Variants in DSCAM observed in about 807,000 individuals in gnomAD.
The protein encoded by DSCAM is DS cell adhesion molecule, also known as cell adhesion molecule DSCAM.
A neutral mutation model predicts 217.7 loss-of-function variants in DSCAM; 47 were observed. That is an observed-to-expected ratio of 0.22 (90% CI 0.17 to 0.28). The LOEUF (loss-of-function observed/expected upper bound fraction) is 0.28, where lower values mean the gene tolerates loss of function less well. Ranked by LOEUF, DSCAM falls within the 10% of genes least tolerant of loss-of-function variation. The pLI, the probability that DSCAM is intolerant of heterozygous loss-of-function variation, is 1.00. For synonymous variants in DSCAM, 1,056 were observed against 1,015.3 expected, an observed-to-expected ratio of 1.04 and a Z score of -0.76; for missense variants, 2,080 against 2,618.3, an observed-to-expected ratio of 0.79 and a Z score of 4.49.
At chr21:40,418,993 T>C (rs1314606244) in intron 3 of DSCAM, among the ~76,000 whole-genome samples, 1 of 152,124 alleles carries the variant, frequency 6.6e-6, no homozygotes, top group African/African-American at 2.4e-5. Context: ...TATTTTGAGA[T>C]GGAGTCTCGC....
At chr21:40,225,763 T>C (rs1480022136) in intron 11 of DSCAM, among the ~76,000 whole-genome samples, 5 of 152,032 alleles carry the variant, frequency 3.3e-5, no homozygotes, top group African/African-American at 9.7e-5. Flanking sequence ...GTAACAATAC[T>C]TTTCCCCAGG....
chr21:40,703,041 T>C (rs533520458), intron 2 of DSCAM, among the ~76,000 whole-genome samples: 3 of 152,328 alleles, frequency 2.0e-5, no homozygotes, highest in African/African-American at 7.2e-5. Context: ...TTTTAAAAAA[T>C]CTGATTTAGA....
At chr21:40,600,194 T>C (rs571433106) in intron 3 of DSCAM, among the ~76,000 whole-genome samples, 2 of 152,342 alleles carry the variant, frequency 1.3e-5, no homozygotes, top group Non-Finnish European at 2.9e-5. Flanking sequence ...CAAACTATCT[T>C]AGCTAGCTTG....
chr21:40,118,886 G>A (rs962072756), intron 20 of DSCAM, among the ~76,000 whole-genome samples: 6 of 152,174 alleles, frequency 3.9e-5, no homozygotes, highest in African/African-American at 1.4e-4. Context: ...GAACTTCTGG[G>A]TATGGGTTTG....
At chr21:40,254,414 T>A (rs2073344462) in intron 11 of DSCAM, among the ~76,000 whole-genome samples, 1 of 152,178 alleles carries the variant, frequency 6.6e-6, no homozygotes, top group Admixed American at 6.5e-5. Context: ...ACTGATTCAT[T>A]ATGCTCCCCC....
At chr21:40,800,782 C>G (rs1245172904) in intron 1 of DSCAM, among the ~76,000 whole-genome samples, 2 of 145,730 alleles carry the variant, frequency 1.4e-5, no homozygotes, top group Admixed American at 6.9e-5. Flanking sequence ...GTGGCACAAT[C>G]TCGGCTCACT....
At chr21:40,555,692 G>A (rs897833769) in intron 3 of DSCAM, among the ~76,000 whole-genome samples, 6 of 152,158 alleles carry the variant, frequency 3.9e-5, no homozygotes, top group Non-Finnish European at 8.8e-5. Context: ...GAGTTCATTA[G>A]TGCAATCATA....
chr21:40,808,296 G>A (rs2091806016), intron 1 of DSCAM, among the ~76,000 whole-genome samples: 2 of 152,018 alleles, frequency 1.3e-5, no homozygotes. Context: ...ACTGAAGATT[G>A]CTGACAACAT....
At chr21:40,724,364 GA>G (rs2090932939) in intron 1 of DSCAM, among the ~76,000 whole-genome samples, 1 of 152,094 alleles carries the variant, frequency 6.6e-6, no homozygotes, top group African/African-American at 2.4e-5. Context: ...AACGAATGAA[GA>G]AAGAGTACAG....
intron 30 of DSCAM, among the ~76,000 whole-genome samples, chr21:40,049,558 C>T (rs2088895139): frequency 6.6e-6 from 1 of 152,156 alleles, no homozygotes; most frequent in Non-Finnish European, 1.5e-5. Context: ...TGTCTAATGT[C>T]TGCCCCCTGA....
At chr21:40,784,801 C>T (rs537481929) in intron 1 of DSCAM, among the ~76,000 whole-genome samples, 16 of 152,256 alleles carry the variant, frequency 1.1e-4, no homozygotes, top group Non-Finnish European at 1.9e-4. Context: ...AACCAGATGC[C>T]GAACCTTCTG....
At chr21:40,785,857 T>C (rs987153702) in intron 1 of DSCAM, among the ~76,000 whole-genome samples, 1 of 152,244 alleles carries the variant, frequency 6.6e-6, no homozygotes, top group African/African-American at 2.4e-5. Context: ...GACTACTAGT[T>C]TCTTTCCTTT....
chr21:40,295,933 G>T, intron 10 of DSCAM, 122 bp downstream of exon 10: 1 of 1,230,922 alleles, frequency 8.1e-7, no homozygotes, highest in Non-Finnish European at 1.1e-6. Flanking sequence ...GATAGGCTTG[G>T]TGGAAACAGA....
chr21:40,296,202 T>A, intron 9 of DSCAM, 28 bp from the exon 10 acceptor site: 1 of 1,612,618 alleles, frequency 6.2e-7, no homozygotes, highest in Non-Finnish European at 8.5e-7. Flanking sequence ...TCACCAGTAA[T>A]TAAGACTAGA....
At chr21:40,335,648 G>T (rs1289408147) in intron 8 of DSCAM, among the ~76,000 whole-genome samples, 1 of 152,080 alleles carries the variant, frequency 6.6e-6, no homozygotes, top group African/African-American at 2.4e-5. Context: ...TCAGACAAAG[G>T]CCAATGCATA....
intron 3 of DSCAM, among the ~76,000 whole-genome samples, chr21:40,531,888 G>C (rs1188211057): frequency 6.6e-6 from 1 of 152,200 alleles, no homozygotes; most frequent in South Asian, 2.1e-4. Flanking sequence ...TCTATTGTGG[G>C]TGTCACTTTG....
intron 3 of DSCAM, chr21:40,630,560 G>C (rs1008592765): frequency 7.9e-5 from 12 of 152,178 alleles, no homozygotes; most frequent in African/African-American, 2.7e-4. Context: ...CGGCCTCCCA[G>C]TGTGCTGGGA....
intron 3 of DSCAM, among the ~76,000 whole-genome samples, chr21:40,663,552 G>A (rs2090166307): frequency 6.6e-6 from 1 of 152,162 alleles, no homozygotes; most frequent in African/African-American, 2.4e-5. Flanking sequence ...TCCCTCATGG[G>A]CATGAGACCA....
At chr21:40,119,756 G>C (rs2090010962) in intron 20 of DSCAM, among the ~76,000 whole-genome samples, 1 of 151,874 alleles carries the variant, frequency 6.6e-6, no homozygotes, top group Admixed American at 6.6e-5. Flanking sequence ...CATGAAATAG[G>C]GAGGGTACTG....
Sources: allele counts gnomAD v4.1 joint callset (sites outside exome capture counted in the v4.1 genomes callset), GRCh38; gene constraint gnomAD v4.1.1; transcripts MANE v1.5; gene names NCBI Gene and HGNC (gene_info 2026-07-23, HGNC 2026-07-21).